The following SMURF1 variants were observed in gnomAD, a reference collection of about 807,000 sequenced individuals.
SMURF1 encodes SMAD specific E3 ubiquitin protein ligase 1.
A neutral mutation model predicts 98.0 loss-of-function variants in SMURF1; 44 were observed. That is an observed-to-expected ratio of 0.45 (90% CI 0.35 to 0.58). SMURF1 has a LOEUF of 0.58. SMURF1 is among the 20% of genes least tolerant of loss of function. The pLI, the probability that SMURF1 is intolerant of heterozygous loss-of-function variation, is 0.00. For synonymous variants in SMURF1, 396 were observed against 374.9 expected (o/e 1.06, Z -0.65); for missense variants, 687 against 938.4 (o/e 0.73, Z 3.50).
chr7:99,126,576 A>G (rs1673915080), intron 1 of SMURF1, among the ~76,000 whole-genome samples: 1 of 152,098 alleles, frequency 6.6e-6, no homozygotes. Context: ...AATTGCTTGA[A>G]CCCAGGAGAT....
Position 99,060,695 on chromosome 7 carries a change from G to C in SMURF1, c.107C>G (p.Pro36Arg). The change falls in exon 3 of 18, where the codon CCT becomes CGT. Residue 36 changes from proline to arginine, a missense_variant. This residue lies in a region of SMURF1 where 415 missense variants were observed against 508.4 expected (regional missense o/e 0.82). Coordinates refer to ENST00000361368, the MANE Select transcript of SMURF1 (RefSeq NM_181349.3). ...CCCATCCACGACAATCTTTGCAAAA[G>C]GGTCAGGGAGCCCTAGAGGAGAGAG... The part of the protein sequence containing the change: ...AKKDFFRLPD[P>R]FAKIVVDGSG... 6.2e-7 allele frequency: 1 copy of C among 1,613,598 alleles called. No homozygotes were observed. Among genetic ancestry groups the C allele is most frequent in the Non-Finnish European group, 8.5e-7 (1 of 1,179,770 alleles).
At chr7:99,085,604 A>G (rs1297754203) in intron 1 of SMURF1, among the ~76,000 whole-genome samples, 2 of 152,192 alleles carry the variant, frequency 1.3e-5, no homozygotes, top group South Asian at 2.1e-4. Flanking sequence ...TGAACACATC[A>G]TTATCATACA....
intron 14 of SMURF1, among the ~76,000 whole-genome samples, chr7:99,037,867 T>C (rs1441699199): frequency 6.6e-6 from 1 of 152,148 alleles, no homozygotes; most frequent in African/African-American, 2.4e-5. Context: ...CCTGGCAACA[T>C]AGCAAGACCA....
chr7:99,095,258 T>C (rs1796928249), intron 1 of SMURF1, among the ~76,000 whole-genome samples: 1 of 152,072 alleles, frequency 6.6e-6, no homozygotes, highest in Non-Finnish European at 1.5e-5. Context: ...TTTTGTATTT[T>C]TAGTAGAGAC....
intron 1 of SMURF1, among the ~76,000 whole-genome samples, chr7:99,121,913 G>C (rs112523773): frequency 1.2e-3 from 179 of 152,302 alleles, no homozygotes; most frequent in Non-Finnish European, 1.7e-3. Flanking sequence ...ACCAGGGAGC[G>C]GCGAGGGGAA....
At chr7:99,097,491 C>T (rs184004774) in intron 1 of SMURF1, among the ~76,000 whole-genome samples, 10 of 152,210 alleles carry the variant, frequency 6.6e-5, no homozygotes, top group Middle Eastern at 3.4e-3. Context: ...AAAAAGGGCT[C>T]GAGGCTGTGA....
intron 1 of SMURF1, among the ~76,000 whole-genome samples, chr7:99,109,946 A>G (rs1797283085): frequency 6.6e-6 from 1 of 152,246 alleles, no homozygotes; most frequent in Non-Finnish European, 1.5e-5. Flanking sequence ...AGCAACACAT[A>G]GTACATAGTA....
chr7:99,133,147 TG>T (rs1797909516), intron 1 of SMURF1, among the ~76,000 whole-genome samples: 1 of 152,170 alleles, frequency 6.6e-6, no homozygotes, highest in Non-Finnish European at 1.5e-5. Context: ...GCGGAGCTAG[TG>T]AAATCTGACT....
At chr7:99,122,575 C>A (rs1490809772) in intron 1 of SMURF1, among the ~76,000 whole-genome samples, 19 of 148,744 alleles carry the variant, frequency 1.3e-4, no homozygotes, top group African/African-American at 4.5e-4. Flanking sequence ...ACCTGGGAGG[C>A]AGATGTTGCA....
chr7:99,141,089 T>TGAAAGG (rs752387161), intron 1 of SMURF1, among the ~76,000 whole-genome samples: 11 of 152,130 alleles, frequency 7.2e-5, no homozygotes, highest in African/African-American at 2.4e-4. Context: ...TAACATCTAC[T>TGAAAGG]GAAAGGGAAA....
intron 17 of SMURF1, 55 bp downstream of exon 17, chr7:99,032,982 G>T: frequency 3.3e-6 from 5 of 1,528,872 alleles, no homozygotes; most frequent in Non-Finnish European, 4.5e-6. Flanking sequence ...AAACGTGAAC[G>T]TCAGCATCCT....
chr7:99,125,023 A>G (rs1797714654), intron 1 of SMURF1, among the ~76,000 whole-genome samples: 1 of 152,122 alleles, frequency 6.6e-6, no homozygotes, highest in South Asian at 2.1e-4. Context: ...CACTTGCCAG[A>G]CAACCTAGAG....
chr7:99,115,080 T>C (rs1797407454), intron 1 of SMURF1, among the ~76,000 whole-genome samples: 1 of 151,650 alleles, frequency 6.6e-6, no homozygotes. Context: ...CTCAAGGAAT[T>C]AGAAAAAGAA....
At chr7:99,127,247 C>T (rs1797766425) in intron 1 of SMURF1, among the ~76,000 whole-genome samples, 2 of 152,134 alleles carry the variant, frequency 1.3e-5, no homozygotes, top group South Asian at 4.1e-4. Flanking sequence ...GGTAAGGAAA[C>T]AGAGAAATCC....
intron 1 of SMURF1, among the ~76,000 whole-genome samples, chr7:99,125,361 A>T (rs1157372150): frequency 6.6e-6 from 1 of 152,196 alleles, no homozygotes; most frequent in Non-Finnish European, 1.5e-5. Flanking sequence ...TGCTGGGATT[A>T]CAGGCATGAG....
chr7:99,095,229 G>A (rs1300751356), intron 1 of SMURF1, among the ~76,000 whole-genome samples: 8 of 152,002 alleles, frequency 5.3e-5, no homozygotes, highest in Non-Finnish European at 1.2e-4. Flanking sequence ...ACAGGCATGC[G>A]CCACCATGTC....
intron 1 of SMURF1, among the ~76,000 whole-genome samples, chr7:99,126,633 C>A (rs150596311): frequency 6.6e-6 from 1 of 151,840 alleles, no homozygotes; most frequent in African/African-American, 2.4e-5. Context: ...CCAGCCTGGG[C>A]GACAGAGCGA....
At chr7:99,109,851 T>G (rs1264589705) in intron 1 of SMURF1, among the ~76,000 whole-genome samples, 2 of 152,198 alleles carry the variant, frequency 1.3e-5, no homozygotes, top group Non-Finnish European at 2.9e-5. Context: ...ATATTTCAAT[T>G]CAAAAGCTAA....
chr7:99,051,319 G>C (rs374380426), intron 8 of SMURF1, 38 bp downstream of exon 8: 100 of 1,539,754 alleles, frequency 6.5e-5, no homozygotes, highest in Non-Finnish European at 8.7e-5. Flanking sequence ...TCAACTGCTG[G>C]AAAGACAGCT....
Sources: gnomAD v4.1 joint callset for allele counts (sites outside exome capture counted in the v4.1 genomes callset) on GRCh38, gnomAD v4.1.1 for gene constraint, gnomAD v4.1.1 regional missense constraint, MANE v1.5 for transcripts, NCBI Gene and HGNC (gene_info 2026-07-23, HGNC 2026-07-21) for gene names.